The following DST variants were observed in gnomAD, a reference collection of about 807,000 sequenced individuals.
DST encodes the protein bullous pemphigoid antigen.
Under a neutral mutation model 875.2 loss-of-function variants are expected in DST, and 253 were observed. That is an observed-to-expected ratio of 0.29 (90% CI 0.26 to 0.32). DST has a LOEUF of 0.32. Among genes scored for constraint, DST ranks in the 10% least tolerant of loss-of-function variants. DST has a pLI of 1.00. For synonymous variants in DST, 3,124 were observed against 3,197.1 expected (o/e 0.98, Z 0.77); for missense variants, 8,287 against 9,111.6 (o/e 0.91, Z 3.68).
rs1417855208 is a variant in DST at position 56,509,955 on chromosome 6, A to T, written c.18781-82T>A. On this transcript the variant is annotated intron_variant, in intron 73 of 103. Transcript: ENST00000680361. ...AAATTTAAATGAAAAAACATTTTTT[A>T]CAATTTAATGTCAGAATTAAGAATA... 6 of 1,127,920 alleles carry T rather than the reference A, an allele frequency of 5.3e-6. No homozygotes were observed. In the East Asian group the frequency reaches 1.3e-4, roughly 24 times the overall value. The allele number at this position is 1,127,920 out of a possible 1,614,324, so 69.9% of individuals were successfully genotyped here.
rs548050197 is a variant in DST, at chr6:56,609,422, A to T, written c.5284-78T>A. ...GAGTTTCATGCAACTTAGGTTTTTT[A>T]AAAAATAAATAATACATTTCAACAT... On this transcript the variant is annotated intron_variant, in intron 39 of 103. Coordinates refer to ENST00000680361, the MANE Select transcript of DST (RefSeq NM_001374736.1). 1.2e-4 allele frequency: 121 copies of T among 999,596 alleles called. 2 individuals carry two copies. In the South Asian group the frequency reaches 1.8e-3, roughly 15 times the overall value. The allele number at this position is 999,596 out of a possible 1,614,324, so 61.9% of individuals were successfully genotyped here.
chr6:56,632,254 A>C (rs528173519), intron 28 of DST, among the ~76,000 whole-genome samples: 2 of 152,332 alleles, frequency 1.3e-5, no homozygotes, highest in East Asian at 3.9e-4. Context: ...TGCCATTTGA[A>C]GTACCAATTT....
intron 36 of DST, chr6:56,615,155 A>G: frequency 9.2e-7 from 1 of 1,086,340 alleles, no homozygotes; most frequent in Non-Finnish European, 1.1e-6. Context: ...CAGCGAGTGC[A>G]ATTTATCATT....
At chr6:56,871,775 GTA>G (rs1777238331) in intron 3 of DST, 5 of 85,722 alleles carry the variant, frequency 5.8e-5, no homozygotes, top group South Asian at 2.6e-4. Context: ...ACAATTAAAA[GTA>G]AAAAAAAAAA....
intron 43 of DST, 67 bp from the exon 44 acceptor site, chr6:56,601,743 A>G (rs1383349910): frequency 1.1e-6 from 1 of 941,054 alleles, no homozygotes; most frequent in African/African-American, 1.7e-5. Flanking sequence ...ATTAACAATA[A>G]TATTTATGTT....
chr6:56,779,605 C>T (rs1467508258), intron 4 of DST, among the ~76,000 whole-genome samples: 1 of 151,924 alleles, frequency 6.6e-6, no homozygotes, highest in Non-Finnish European at 1.5e-5. Flanking sequence ...CTACATATAG[C>T]TAGCCAGTTT....
chr6:56,585,215 A>G (rs2098121878), intron 49 of DST, among the ~76,000 whole-genome samples: 1 of 152,192 alleles, frequency 6.6e-6, no homozygotes, highest in Non-Finnish European at 1.5e-5. Context: ...CTGTGAATCC[A>G]TCTGGTCCTG....
At chr6:56,568,407 C>T in intron 55 of DST, 62 bp downstream of exon 55, 11 of 1,524,138 alleles carry the variant, frequency 7.2e-6, no homozygotes, top group Non-Finnish European at 8.8e-6. Flanking sequence ...ATAACATACA[C>T]AAAATTGACA....
intron 74 of DST, among the ~76,000 whole-genome samples, 169 bp downstream of exon 74, chr6:56,509,473 A>T (rs562787834): frequency 6.6e-6 from 1 of 152,314 alleles, no homozygotes; most frequent in Non-Finnish European, 1.5e-5. Flanking sequence ...TCACAAACAC[A>T]GGAAGACATT....
chr6:56,757,364 T>A (rs1308905855), intron 4 of DST, among the ~76,000 whole-genome samples: 1 of 152,228 alleles, frequency 6.6e-6, no homozygotes, highest in Non-Finnish European at 1.5e-5. Context: ...AATCACAACA[T>A]TCTGAAATGC....
At chr6:56,755,703 T>C (rs1028643954) in intron 4 of DST, among the ~76,000 whole-genome samples, 2 of 152,204 alleles carry the variant, frequency 1.3e-5, no homozygotes, top group Non-Finnish European at 2.9e-5. Context: ...TATTATAAAA[T>C]AATATTTTGA....
intron 4 of DST, among the ~76,000 whole-genome samples, chr6:56,770,326 T>C (rs2099649047): frequency 6.6e-6 from 1 of 152,200 alleles, no homozygotes; most frequent in South Asian, 2.1e-4. Context: ...GGTATTGGTG[T>C]TACGCCATAA....
chr6:56,761,168 A>G (rs1175856861), intron 4 of DST, among the ~76,000 whole-genome samples: 1 of 152,214 alleles, frequency 6.6e-6, no homozygotes, highest in Non-Finnish European at 1.5e-5. Context: ...GCCCTCTGCC[A>G]GTGAGTGAGC....
chr6:56,780,302 C>A (rs1170199911), intron 4 of DST, among the ~76,000 whole-genome samples: 1 of 152,052 alleles, frequency 6.6e-6, no homozygotes, highest in Non-Finnish European at 1.5e-5. Flanking sequence ...AATCGCCACA[C>A]TGTCTTCCAC....
chr6:56,843,263 G>A, intron 4 of DST: 1 of 1,268,682 alleles, frequency 7.9e-7, no homozygotes, highest in Non-Finnish European at 1.0e-6. Context: ...GGAGCAGCAC[G>A]CTGGGGAGAA....
At chr6:56,889,863 G>A (rs1786500837) in intron 3 of DST, among the ~76,000 whole-genome samples, 1 of 151,990 alleles carries the variant, frequency 6.6e-6, no homozygotes. Flanking sequence ...AGAAAGAGGG[G>A]GCCAATTTTG....
At chr6:56,832,312 T>C (rs1425022444) in intron 4 of DST, among the ~76,000 whole-genome samples, 1 of 152,224 alleles carries the variant, frequency 6.6e-6, no homozygotes, top group African/African-American at 2.4e-5. Context: ...TTCCATGTTG[T>C]TCTTGTGAGT....
At chr6:56,611,419 G>T in intron 38 of DST, 89 bp downstream of exon 38, 1 of 809,420 alleles carries the variant, frequency 1.2e-6, no homozygotes, top group South Asian at 1.5e-5. Context: ...ATTTAACATT[G>T]CAATTAAAAT....
chr6:56,607,177 T>C lies in DST; in HGVS notation c.7451A>G (p.Glu2484Gly). The stretch of plus-strand genomic sequence containing the variant: ...TCCCAGAAACTGGTCTTGAAATTTT[T>C]CTCCTATTCTTTGACCTGACAACAT... ...KTMLSGQRIG[E>G]KFQDQFLGIA... is the part of the protein sequence containing the mutation. Residue 2484 changes from glutamate to glycine, a missense_variant, in exon 40 of 104, where the codon GAA (glutamate) becomes GGA (glycine). Around this residue, in one of 10 missense-constraint regions of DST, gnomAD observed 3,138 missense variants for 3,116.6 expected, o/e 1.01. Transcript: ENST00000680361. The C allele has an allele frequency of 1.2e-6, 2 of 1,613,466 alleles. No homozygotes were observed. Among genetic ancestry groups the C allele is most frequent in the Non-Finnish European group, 1.7e-6 (2 of 1,179,612 alleles).
Sources: allele counts gnomAD v4.1 joint callset (sites outside exome capture counted in the v4.1 genomes callset), GRCh38; gene constraint gnomAD v4.1.1; regional missense constraint gnomAD v4.1.1; transcripts MANE v1.5; gene names NCBI Gene and HGNC (gene_info 2026-07-23, HGNC 2026-07-21).